The following SLC39A11 variants were observed in gnomAD, a reference collection of about 807,000 sequenced individuals.
The protein encoded by SLC39A11 is zinc transporter ZIP11.
SLC39A11 carries 33 observed loss-of-function variants against 36.1 expected under a neutral mutation model. The ratio of observed to expected loss-of-function variants is 0.91; its 90% CI spans 0.69 to 1.22. SLC39A11 has a LOEUF of 1.22. SLC39A11 is among the 50% of genes most tolerant of loss of function. SLC39A11 has a pLI of 0.00. For missense variants in SLC39A11, 432 were observed against 430.3 expected, an observed-to-expected ratio of 1.00 and a Z score of -0.03; for synonymous variants, 166 against 170.3, an observed-to-expected ratio of 0.97 and a Z score of 0.20.
chr17:72,918,600 G>C (rs2083462117), intron 5 of SLC39A11, among the ~76,000 whole-genome samples: 1 of 152,156 alleles, frequency 6.6e-6, no homozygotes, highest in Non-Finnish European at 1.5e-5. Flanking sequence ...AGGGTAAAAG[G>C]AAGGAAAGAA....
intron 6 of SLC39A11, among the ~76,000 whole-genome samples, chr17:72,745,874 T>C (rs748694074): frequency 3.9e-5 from 6 of 152,206 alleles, no homozygotes; most frequent in East Asian, 1.9e-4. Flanking sequence ...GGAGGATTAA[T>C]GAATATTAAA....
At chr17:72,861,691 A>AATATATATATATATATATAAAAT (rs1429991072) in intron 5 of SLC39A11, among the ~76,000 whole-genome samples, 1 of 108,912 alleles carries the variant, frequency 9.2e-6, no homozygotes, top group African/African-American at 3.6e-5. Flanking sequence ...ATATATATAA[A>AATATATATATATATATATAAAAT]ATATATATAT....
chr17:72,831,027 G>T (rs923439084), intron 6 of SLC39A11, among the ~76,000 whole-genome samples: 8 of 152,152 alleles, frequency 5.3e-5, no homozygotes, highest in Admixed American at 5.2e-4. Context: ...AAAATGAGGA[G>T]CCTGGAGGAA....
Position 73,027,780 on chromosome 17 carries a change from T to G in SLC39A11, c.306+3776A>C, listed in dbSNP as rs1041891871. Among the ~76,000 whole-genome samples, 3 of 152,300 alleles carry G rather than the reference T, an allele frequency of 2.0e-5. No homozygotes were observed. In the East Asian group the frequency reaches 5.8e-4, roughly 29 times the overall value. ...TGGGTGGCTCTGACGCTCCCAGGCA[T>G]TGGGGCCTGTGCCTGAATGGTCACG... On this transcript the variant is annotated intron_variant, in intron 4 of 9. Coordinates refer to ENST00000255559, the MANE Select transcript of SLC39A11 (RefSeq NM_139177.4).
chr17:72,747,541 A>T (rs2074990334), intron 6 of SLC39A11, among the ~76,000 whole-genome samples: 1 of 152,146 alleles, frequency 6.6e-6, no homozygotes, highest in African/African-American at 2.4e-5. Context: ...TAGGGACGGG[A>T]GCAACGTCAC....
intron 5 of SLC39A11, among the ~76,000 whole-genome samples, chr17:72,870,709 C>T (rs142245010): frequency 3.3e-5 from 5 of 152,356 alleles, no homozygotes; most frequent in African/African-American, 1.2e-4. Context: ...TACGGATTTG[C>T]CTCAAGCATC....
intron 3 of SLC39A11, among the ~76,000 whole-genome samples, chr17:73,061,256 A>C (rs2059831597): frequency 1.3e-5 from 2 of 152,096 alleles, no homozygotes. Flanking sequence ...GCTACTCAGG[A>C]GACTGAGGCC....
At chr17:72,904,397 TAC>T (rs1203523063) in intron 5 of SLC39A11, among the ~76,000 whole-genome samples, 1 of 152,208 alleles carries the variant, frequency 6.6e-6, no homozygotes, top group East Asian at 1.9e-4. Flanking sequence ...ATTTTCACCA[TAC>T]AGTGTCCAAA....
At chr17:73,066,368 G>C (rs1220323840) in intron 3 of SLC39A11, among the ~76,000 whole-genome samples, 1 of 152,170 alleles carries the variant, frequency 6.6e-6, no homozygotes, top group Non-Finnish European at 1.5e-5. Context: ...CAGCAACCTA[G>C]AACCAGGGGA....
intron 7 of SLC39A11, among the ~76,000 whole-genome samples, chr17:72,708,899 C>T (rs998506395): frequency 7.9e-5 from 12 of 152,116 alleles, no homozygotes; most frequent in African/African-American, 2.4e-4. Context: ...TTGCCTTTGG[C>T]TCTGTTTTCT....
At chr17:72,915,003 T>C (rs758569513) in intron 5 of SLC39A11, among the ~76,000 whole-genome samples, 9 of 152,218 alleles carry the variant, frequency 5.9e-5, no homozygotes, top group Non-Finnish European at 1.3e-4. Context: ...CACTTTGTTT[T>C]TCATTGGGAA....
chr17:72,770,080 T>A (rs1338279217), intron 6 of SLC39A11, among the ~76,000 whole-genome samples: 1 of 152,222 alleles, frequency 6.6e-6, no homozygotes, highest in African/African-American at 2.4e-5. Flanking sequence ...GCACATGTCA[T>A]CAGGACTTCC....
intron 7 of SLC39A11, among the ~76,000 whole-genome samples, chr17:72,650,431 G>A (rs1260999471): frequency 6.6e-6 from 1 of 152,200 alleles, no homozygotes; most frequent in African/African-American, 2.4e-5. Context: ...AACCCTTATT[G>A]TGGATGCTGC....
intron 3 of SLC39A11, among the ~76,000 whole-genome samples, chr17:73,041,898 A>C (rs1030115627): frequency 6.6e-6 from 1 of 152,212 alleles, no homozygotes; most frequent in Non-Finnish European, 1.5e-5. Context: ...AAACCTAGAA[A>C]GGCTCATAAT....
chr17:72,663,977 C>G (rs768988008), intron 7 of SLC39A11: 2 of 154,470 alleles, frequency 1.3e-5, no homozygotes, highest in Non-Finnish European at 2.9e-5. Flanking sequence ...TGACCGAAGA[C>G]CGGTCCTCCT....
chr17:73,034,041 G>A (rs925409823), intron 3 of SLC39A11, among the ~76,000 whole-genome samples: 3 of 152,220 alleles, frequency 2.0e-5, no homozygotes, highest in South Asian at 2.1e-4. Context: ...TCCATGAGCC[G>A]GGCTGTCAAT....
At chr17:72,676,470 A>G (rs2071267107) in intron 7 of SLC39A11, among the ~76,000 whole-genome samples, 1 of 152,196 alleles carries the variant, frequency 6.6e-6, no homozygotes, top group Admixed American at 6.5e-5. Context: ...TAGCACATCG[A>G]AAGAGCTGGT....
At chr17:72,834,730 G>A (rs2078446567) in intron 6 of SLC39A11, among the ~76,000 whole-genome samples, 2 of 152,190 alleles carry the variant, frequency 1.3e-5, no homozygotes, top group Non-Finnish European at 2.9e-5. Flanking sequence ...GAAGTTATTG[G>A]AAACTTTGCT....
intron 5 of SLC39A11, among the ~76,000 whole-genome samples, chr17:72,932,189 A>G (rs2084438332): frequency 1.3e-5 from 2 of 151,940 alleles, no homozygotes. Flanking sequence ...CTATCTTCCC[A>G]AAACTCCAAC....
Sources: gnomAD v4.1 joint callset for allele counts (sites outside exome capture counted in the v4.1 genomes callset) on GRCh38, gnomAD v4.1.1 for gene constraint, MANE v1.5 for transcripts, NCBI Gene and HGNC (gene_info 2026-07-23, HGNC 2026-07-21) for gene names.